Variants in CENPP observed in about 807,000 individuals in gnomAD.
The protein encoded by CENPP is centromere protein P.
A neutral mutation model predicts 35.6 loss-of-function variants in CENPP; 24 were observed. That is an observed-to-expected ratio of 0.67 (90% CI 0.49 to 0.95). The LOEUF is 0.95. Among genes scored for constraint, CENPP ranks in the 40% least tolerant of loss-of-function variants. The probability of loss-of-function intolerance (pLI) is 0.00; values close to 1 mark genes in which losing one functional copy is unlikely to be tolerated. For missense variants in CENPP, 332 were observed against 345.3 expected, an observed-to-expected ratio of 0.96 and a Z score of 0.31; for synonymous variants, 120 against 125.5, an observed-to-expected ratio of 0.96 and a Z score of 0.29.
chr9:92,516,558 C>T (rs1226491835), intron 5 of CENPP, among the ~76,000 whole-genome samples: 6 of 152,078 alleles, frequency 3.9e-5, no homozygotes, highest in Non-Finnish European at 7.4e-5. Flanking sequence ...GCAAAACATG[C>T]AGAAGAATAG....
intron 5 of CENPP, among the ~76,000 whole-genome samples, chr9:92,511,013 G>A (rs187714301): frequency 2.4e-4 from 37 of 152,302 alleles, no homozygotes; most frequent in Non-Finnish European, 4.0e-4. Flanking sequence ...TCACTTAGTG[G>A]AATATAGTGT....
intron 4 of CENPP, 49 bp from the exon 5 acceptor site, chr9:92,379,714 T>C (rs769828488): frequency 4.0e-5 from 54 of 1,340,646 alleles, no homozygotes; most frequent in Non-Finnish European, 4.7e-5. Flanking sequence ...CTAGATTGGG[T>C]CTATCATTTA....
intron 5 of CENPP, chr9:92,457,310 T>G: frequency 6.2e-7 from 1 of 1,613,950 alleles, no homozygotes; most frequent in Non-Finnish European, 8.5e-7. Context: ...GTTCCCAAGC[T>G]GAACGCTCAT....
At chr9:92,540,056 G>A (rs1003584195) in intron 5 of CENPP, among the ~76,000 whole-genome samples, 3 of 152,124 alleles carry the variant, frequency 2.0e-5, no homozygotes, top group African/African-American at 7.2e-5. Flanking sequence ...CATATAAGTG[G>A]CATAAATTTT....
rs983139300 is a variant in CENPP at position 92,495,469 on chromosome 9, T to A, written c.564+115610T>A. On this transcript the variant is annotated intron_variant, in intron 5 of 7. Transcript: ENST00000375587. ...CCAGTGGTGCAAAATTTTTCAAAAA[T>A]TTATACATTAGATTTACCTTTACAA... is the stretch of plus-strand genomic sequence containing the variant. 1.3e-5 allele frequency: 13 copies of A among 984,860 alleles called. No homozygotes were observed. The South Asian group carries it at 1.4e-4, about 11-fold the overall frequency. The allele number at this position is 984,860 out of a possible 1,614,324, so 61.0% of individuals were successfully genotyped here. A position where few individuals can be genotyped will look rare whatever the true frequency, so the allele number is the denominator to read the frequency against.
chr9:92,404,529 C>T, intron 5 of CENPP: 1 of 1,297,142 alleles, frequency 7.7e-7, no homozygotes, highest in South Asian at 1.3e-5. Context: ...TTGTGGTTTT[C>T]CTCAATAGAT....
At chr9:92,522,689 C>T (rs1848152332) in intron 5 of CENPP, 1 of 1,614,012 alleles carries the variant, frequency 6.2e-7, no homozygotes, top group African/African-American at 1.3e-5. Context: ...GGTGTAAAAA[C>T]TGTTGTTTGC....
At chr9:92,474,056 C>T (rs1845620948) in intron 5 of CENPP, among the ~76,000 whole-genome samples, 4 of 152,220 alleles carry the variant, frequency 2.6e-5, no homozygotes, top group Admixed American at 6.5e-5. Flanking sequence ...CATGGCTGTG[C>T]TCTTGAGTGC....
chr9:92,519,884 T>A (rs1847953972), intron 5 of CENPP, among the ~76,000 whole-genome samples: 1 of 151,298 alleles, frequency 6.6e-6, no homozygotes, highest in Admixed American at 6.6e-5. Context: ...GTGTACACAA[T>A]GGGAGAGAAT....
At chr9:92,556,582 T>C (rs1389449712) in intron 5 of CENPP, among the ~76,000 whole-genome samples, 2 of 152,246 alleles carry the variant, frequency 1.3e-5, no homozygotes, top group Non-Finnish European at 2.9e-5. Flanking sequence ...TACCATTATA[T>C]AATGTCCCTC....
At position 92,613,443 on chromosome 9, in the gene CENPP, C is replaced by A; in HGVS notation, c.*294C>A. ...CTCAGATGTGTGGGGAGGATCCATC[C>A]CCCACCCACTGCAGCCTCACACCGA... On this transcript the variant is annotated 3_prime_UTR_variant, in exon 8 of 8. Coordinates refer to ENST00000375587, the MANE Select transcript of CENPP (RefSeq NM_001012267.3). The A allele has an allele frequency of 3.0e-6, 1 of 332,178 alleles. No homozygotes were observed. Among genetic ancestry groups the A allele is most frequent in the Non-Finnish European group, 5.8e-6 (1 of 172,318 alleles). 20.6% of individuals were successfully genotyped at this position (332,178 alleles called of 1,614,324 possible).
At chr9:92,416,105 T>TA (rs1843602964) in intron 5 of CENPP, among the ~76,000 whole-genome samples, 2 of 142,052 alleles carry the variant, frequency 1.4e-5, no homozygotes, top group African/African-American at 5.2e-5. Context: ...TTTATTTTAT[T>TA]TTTTTTTTTT....
intron 5 of CENPP, among the ~76,000 whole-genome samples, chr9:92,448,273 CT>C (rs980637699): frequency 1.9e-3 from 267 of 142,554 alleles, no homozygotes; most frequent in Non-Finnish European, 1.8e-3. Flanking sequence ...TCTCTTTTTT[CT>C]TTTTTTTTTT....
chr9:92,474,764 T>C (rs1845651826), intron 5 of CENPP: 1 of 1,612,740 alleles, frequency 6.2e-7, no homozygotes, highest in Non-Finnish European at 8.5e-7. Flanking sequence ...ATCATCATCA[T>C]CATCATCATC....
intron 5 of CENPP, among the ~76,000 whole-genome samples, chr9:92,410,641 A>G (rs1268248954): frequency 2.0e-5 from 3 of 152,196 alleles, no homozygotes; most frequent in African/African-American, 7.2e-5. Flanking sequence ...TTGTATGAGT[A>G]AAATGTTGGA....
chr9:92,343,139 A>G (rs1451527392), intron 3 of CENPP, among the ~76,000 whole-genome samples: 1 of 152,250 alleles, frequency 6.6e-6, no homozygotes, highest in Non-Finnish European at 1.5e-5. Context: ...TTATATTAAT[A>G]TAATATTTGA....
intron 5 of CENPP, among the ~76,000 whole-genome samples, chr9:92,535,165 A>G (rs952627040): frequency 1.4e-5 from 2 of 145,190 alleles, no homozygotes; most frequent in Non-Finnish European, 3.1e-5. Context: ...AAATAAACTT[A>G]CAGAGCTATT....
intron 5 of CENPP, among the ~76,000 whole-genome samples, chr9:92,589,625 C>T (rs921484190): frequency 7.9e-5 from 12 of 152,138 alleles, no homozygotes; most frequent in African/African-American, 2.7e-4. Flanking sequence ...GTTCCACCTT[C>T]TTTACATTTT....
chr9:92,569,513 T>C (rs552786117), intron 5 of CENPP, among the ~76,000 whole-genome samples: 3 of 152,358 alleles, frequency 2.0e-5, no homozygotes, highest in South Asian at 2.1e-4. Flanking sequence ...TCAGGTAGCA[T>C]GATGCCTCCA....
Sources: allele counts gnomAD v4.1 joint callset (sites outside exome capture counted in the v4.1 genomes callset), GRCh38; gene constraint gnomAD v4.1.1; transcripts MANE v1.5; gene names NCBI Gene and HGNC (gene_info 2026-07-23, HGNC 2026-07-21).